The following PKDCC variants were observed in gnomAD, a reference collection of about 807,000 sequenced individuals.
PKDCC encodes the protein extracellular tyrosine-protein kinase PKDCC.
Under a neutral mutation model 44.7 loss-of-function variants are expected in PKDCC, and 35 were observed. That is an observed-to-expected ratio of 0.78 (90% CI 0.60 to 1.04). The LOEUF is 1.04. Among genes scored for constraint, PKDCC ranks in the 50% least tolerant of loss-of-function variants. The pLI, the probability that PKDCC is intolerant of heterozygous loss-of-function variation, is 0.00. For synonymous variants in PKDCC, 353 were observed against 303.3 expected, an observed-to-expected ratio of 1.16 and a Z score of -1.70; for missense variants, 738 against 672.7, an observed-to-expected ratio of 1.10 and a Z score of -1.07.
chr2:42,049,577 T>C (rs761746276), intron 1 of PKDCC, among the ~76,000 whole-genome samples: 1 of 151,808 alleles, frequency 6.6e-6, no homozygotes, highest in Non-Finnish European at 1.5e-5. Context: ...ACTGTCTGAG[T>C]GTATATAGAT....
At chr2:42,049,683 G>A (rs957086231) in intron 1 of PKDCC, among the ~76,000 whole-genome samples, 2 of 152,162 alleles carry the variant, frequency 1.3e-5, no homozygotes, top group African/African-American at 4.8e-5. Flanking sequence ...GGCGAGAGCT[G>A]AAACCCCCAC....
chr2:42,057,627 C>T lies in PKDCC; in HGVS notation c.1421C>T (p.Thr474Ile), dbSNP rs1668080282. 3 of 1,613,966 alleles carry T rather than the reference C, an allele frequency of 1.9e-6. No individual in the cohort carries two copies. The highest frequency in any genetic ancestry group is 2.5e-6 in the Non-Finnish European group (3 of 1,180,002). The change falls in exon 7 of 7, where the codon ACT becomes ATT. Residue 474 changes from threonine (T) to isoleucine (I), a missense_variant. Physicochemically the swap from Thr to Ile is moderately conservative, Grantham distance 89 (BLOSUM62 -1). Transcript: ENST00000294964. Reference protein sequence around the residue: ...WTGRQLVFFKTGWSQVVPDPN... With the variant: ...WTGRQLVFFKIGWSQVVPDPN... ...GGTCGGCAGCTGGTCTTTTTCAAGA[C>T]TGGATGGAGCCAAGTGGTCCCTGAT... is the stretch of plus-strand genomic sequence containing the variant.
rs1668002813 is a variant in PKDCC at position 42,053,446 on chromosome 2, C to T, written c.762+85C>T. 6.7e-6 allele frequency: 10 copies of T among 1,494,058 alleles called. No individual in the cohort carries two copies. The South Asian group carries it at 8.1e-5, about 12-fold the overall frequency. The allele number at this position is 1,494,058 out of a possible 1,614,324, so 92.6% of individuals were successfully genotyped here. A position where few individuals can be genotyped will look rare whatever the true frequency, so the allele number is the denominator to read the frequency against. ...GGCCAGCCCTCCAAAGCAGCTCCCA[C>T]TCCTCCTCCACCCAGGGAGAGGGAG... On this transcript the variant is annotated intron_variant, in intron 2 of 6. Coordinates refer to ENST00000294964, the MANE Select transcript of PKDCC (RefSeq NM_138370.3).
Position 42,048,673 on chromosome 2 carries a change from C to G in PKDCC, c.474C>G (p.Pro158=). The change falls in exon 1 of 7, where the codon CCC becomes CCG. Residue 158 remains proline (P), a synonymous_variant. Coordinates refer to ENST00000294964, the MANE Select transcript of PKDCC (RefSeq NM_138370.3). The surrounding 1 kb of genome is among the most constrained non-coding windows in gnomAD (Gnocchi z 6.2). ...YTKAVYRVRL[P]GGAAVALKAV... ...AGGCCGTGTACCGGGTCCGCCTGCC[C>G]GGCGGTGCCGCGGTGGCGCTCAAGG... The G allele has an allele frequency of 6.5e-7, 1 of 1,547,188 alleles. No homozygotes were observed. Among genetic ancestry groups the G allele is most frequent in the South Asian group, 1.2e-5 (1 of 84,050 alleles).
At chr2:42,056,761 CAAAAAAAAAAAGAAA>C (rs1668063714) in intron 5 of PKDCC, among the ~76,000 whole-genome samples, 1 of 123,020 alleles carries the variant, frequency 8.1e-6, no homozygotes, top group Non-Finnish European at 1.7e-5. Flanking sequence ...GAGACCCCAT[CAAAAAAAAAAAGAAA>C]AAAAAAGAAA....
At position 42,051,083 on chromosome 2, in the gene PKDCC, C is replaced by T. The variant is rs556752820; in HGVS notation, c.640-2156C>T. Among the ~76,000 whole-genome samples the T allele has an allele frequency of 3.9e-5, 6 of 152,248 alleles. No homozygotes were observed. The East Asian group carries it at 1.2e-3, about 29-fold the overall frequency. On this transcript the variant is annotated intron_variant, in intron 1 of 6. Coordinates refer to ENST00000294964, the MANE Select transcript of PKDCC (RefSeq NM_138370.3). The surrounding 1 kb of genome is among the most constrained non-coding windows in gnomAD (Gnocchi z 4.2). ...CCTAGTGGTGCAGGCTCACCACCCT[C>T]CCTCTCTGAGCAGCCCAGAATTGGT...
At chr2:42,056,110 G>C (rs1253100013) in intron 5 of PKDCC, among the ~76,000 whole-genome samples, 1 of 152,192 alleles carries the variant, frequency 6.6e-6, no homozygotes. Context: ...ACAATGGCTG[G>C]CTCTGTCCCT....
In PKDCC at chr2:42,057,770, A is replaced by T. The variant is rs971097587; in HGVS notation, c.*82A>T. ...GGAGGGAGTGACTTGCACTGGCAGC[A>T]CTGCATGTCACCTGGGAACCCCTGC... is the stretch of plus-strand genomic sequence containing the variant. On this transcript the variant is annotated 3_prime_UTR_variant, in exon 7 of 7. Coordinates refer to ENST00000294964, the MANE Select transcript of PKDCC (RefSeq NM_138370.3). The T allele has an allele frequency of 1.6e-5, 19 of 1,187,232 alleles. No homozygotes were observed. Among genetic ancestry groups the T allele is most frequent in the Non-Finnish European group, 2.2e-5 (18 of 818,334 alleles). 73.5% of individuals were successfully genotyped at this position (1,187,232 alleles called of 1,614,324 possible). A position where few individuals can be genotyped will look rare whatever the true frequency, so the allele number is the denominator to read the frequency against.
intron 2 of PKDCC, 81 bp downstream of exon 2, chr2:42,053,442 C>T: frequency 6.7e-7 from 1 of 1,499,364 alleles, no homozygotes; most frequent in Non-Finnish European, 8.9e-7. Context: ...CAAAGCAGCT[C>T]CCACTCCTCC....
In PKDCC at chr2:42,051,216, TC is replaced by T. The variant is rs745636635; in HGVS notation, c.640-2022del. 5.9e-5 allele frequency among the ~76,000 whole-genome samples: 9 copies of T among 151,988 alleles called. No individual in the cohort carries two copies. The highest frequency in any genetic ancestry group is 1.3e-4 in the Admixed American group (2 of 15,280). On this transcript the variant is annotated intron_variant, in intron 1 of 6. Transcript: ENST00000294964. This position sits in a 1 kb window ranked among gnomAD's most constrained non-coding sequence, Gnocchi z 4.2. ...CTGGGCGAGATCTTTCTATCCATTT[TC>T]TTTGACCCCTCCCCATCCCGCCCCT...
In PKDCC at chr2:42,048,544, G is replaced by C; in HGVS notation, c.345G>C (p.Trp115Cys). 1 of 1,260,074 alleles carries C rather than the reference G, an allele frequency of 7.9e-7. No homozygotes were observed. The highest frequency in any genetic ancestry group is 9.9e-7 in the Non-Finnish European group (1 of 1,009,814). The allele number at this position is 1,260,074 out of a possible 1,614,324, so 78.1% of individuals were successfully genotyped here. Residue 115 changes from tryptophan (W) to cysteine (C), a missense_variant, in exon 1 of 7, where the codon TGG (tryptophan) becomes TGC (cysteine). Physicochemically the swap from Trp to Cys is radical, Grantham distance 215. Coordinates refer to ENST00000294964, the MANE Select transcript of PKDCC (RefSeq NM_138370.3). This position sits in a 1 kb window ranked among gnomAD's most constrained non-coding sequence, Gnocchi z 6.2. ...ARPLSDGAPG[W>C]PPAPGPGSPG... ...CCCTGTCCGACGGCGCCCCAGGCTGGCCCCCGGCTCCCGGCCCAGGCTCCC... is the reference window on the plus strand; with the variant it reads ...CCCTGTCCGACGGCGCCCCAGGCTGCCCCCCGGCTCCCGGCCCAGGCTCCC...
At chr2:42,050,541 A>G (rs1667947285) in intron 1 of PKDCC, among the ~76,000 whole-genome samples, 1 of 152,112 alleles carries the variant, frequency 6.6e-6, no homozygotes, top group African/African-American at 2.4e-5. Context: ...CCACATATAT[A>G]TCACGTGACG....
rs1198934799 is a variant in PKDCC at position 42,048,718 on chromosome 2, C to T, written c.519C>T (p.His173=). The T allele has an allele frequency of 6.4e-7, 1 of 1,561,184 alleles. No homozygotes were observed. The highest frequency in any genetic ancestry group is 1.9e-5 in the Admixed American group (1 of 52,096). Residue 173 remains histidine (H), a synonymous_variant, in exon 1 of 7, where the codon CAC becomes CAT. Transcript: ENST00000294964. This position sits in a 1 kb window ranked among gnomAD's most constrained non-coding sequence, Gnocchi z 6.2. Reference sequence around the variant, plus strand: ...TCAAGGCGGTGGACTTTAGCGGCCACGATCTGGGCAGCTGCGTGCGCGAGT... The same window carrying T: ...TCAAGGCGGTGGACTTTAGCGGCCATGATCTGGGCAGCTGCGTGCGCGAGT... The part of the protein sequence containing the change: ...VALKAVDFSG[H]DLGSCVREFG...
rs1218976806 is a variant in PKDCC, at chr2:42,057,911, G to A, written c.*223G>A. ...ATGGGACTGCTGGCTCCTAGTCCAG[G>A]AATCATGGGGGTATGACTGCCTCTC... On this transcript the variant is annotated 3_prime_UTR_variant, in exon 7 of 7. Transcript: ENST00000294964. 8.9e-6 allele frequency: 5 copies of A among 563,838 alleles called. No homozygotes were observed. Among genetic ancestry groups the A allele is most frequent in the Non-Finnish European group, 1.6e-5 (5 of 315,540 alleles). 34.9% of individuals were successfully genotyped at this position (563,838 alleles called of 1,614,324 possible). A position where few individuals can be genotyped will look rare whatever the true frequency, so the allele number is the denominator to read the frequency against.
Position 42,054,383 on chromosome 2 carries a change from G to T in PKDCC, c.1034+76G>T, listed in dbSNP as rs116834971. 4 of 1,491,532 alleles carry T rather than the reference G, an allele frequency of 2.7e-6. No homozygotes were observed. The highest frequency in any genetic ancestry group is 1.4e-5 in the African/African-American group (1 of 72,080). The allele number at this position is 1,491,532 out of a possible 1,614,324, so 92.4% of individuals were successfully genotyped here. On this transcript the variant is annotated intron_variant, in intron 3 of 6. Transcript: ENST00000294964. The surrounding 1 kb of genome is among the most constrained non-coding windows in gnomAD (Gnocchi z 6.1). ...AGGGCATGGCAGGAAGAGAGCCAAC[G>T]TGGAGGCCAGCTGGGCAGGGAGACT...
chr2:42,053,223 C>A lies in PKDCC; in HGVS notation c.640-16C>A. 1 of 1,595,184 alleles carries A rather than the reference C, an allele frequency of 6.3e-7. No homozygotes were observed. The highest frequency in any genetic ancestry group is 1.1e-5 in the South Asian group (1 of 89,032). On this transcript the variant is annotated splice_polypyrimidine_tract_variant and intron_variant, in intron 1 of 6. Coordinates refer to ENST00000294964, the MANE Select transcript of PKDCC (RefSeq NM_138370.3). ...CCCACCCTGTGACCTAATGACCTGC[C>A]CTCGGCTTTCCCCAGCTCTATGGCT...
At chr2:42,050,840 C>T (rs1051558647) in intron 1 of PKDCC, among the ~76,000 whole-genome samples, 6 of 152,156 alleles carry the variant, frequency 3.9e-5, no homozygotes, top group African/African-American at 1.4e-4. Context: ...CCCCATTCAT[C>T]TTCTGACCAT....
At position 42,055,293 on chromosome 2, in the gene PKDCC, C is replaced by T. The variant is rs1196773390; in HGVS notation, c.1122C>T (p.Leu374=). Residue 374 remains leucine, a synonymous_variant, in exon 5 of 7, where the codon CTC becomes CTT. Coordinates refer to ENST00000294964, the MANE Select transcript of PKDCC (RefSeq NM_138370.3). This position sits in a 1 kb window ranked among gnomAD's most constrained non-coding sequence, Gnocchi z 4.5. The part of the protein sequence containing the change: ...LDSIVNATGE[L]AWGVDETLAQ... ...CCACACTGCACTCTGCAGGAGAGCT[C>T]GCCTGGGGGGTGGACGAGACCCTGG... 5.0e-6 allele frequency: 8 copies of T among 1,612,774 alleles called. No homozygotes were observed. Among genetic ancestry groups the T allele is most frequent in the Non-Finnish European group, 6.8e-6 (8 of 1,179,768 alleles).
Position 42,053,310 on chromosome 2 carries a change from C to T in PKDCC, c.711C>T (p.Ala237=), listed in dbSNP as rs1177177917. 4 of 1,613,758 alleles carry T rather than the reference C, an allele frequency of 2.5e-6. No homozygotes were observed. Among genetic ancestry groups the T allele is most frequent in the African/African-American group, 1.3e-5 (1 of 74,864 alleles). ...DTLTTITELG[A]PVEMIQLLQT... Reference sequence around the variant, plus strand: ...TGACCACCATCACGGAGCTGGGCGCCCCTGTAGAAATGATCCAGCTGCTGC... The same window carrying T: ...TGACCACCATCACGGAGCTGGGCGCTCCTGTAGAAATGATCCAGCTGCTGC... The change falls in exon 2 of 7, where the codon GCC becomes GCT. Residue 237 remains alanine (A), a synonymous_variant. Coordinates refer to ENST00000294964, the MANE Select transcript of PKDCC (RefSeq NM_138370.3).
Sources: allele counts gnomAD v4.1 joint callset (sites outside exome capture counted in the v4.1 genomes callset), GRCh38; gene constraint gnomAD v4.1.1; non-coding constraint Gnocchi (gnomAD v3.1); transcripts MANE v1.5; gene names NCBI Gene and HGNC (gene_info 2026-07-23, HGNC 2026-07-21).